Variants in SPA17 observed in about 807,000 individuals in gnomAD.
SPA17 encodes the protein sperm surface protein Sp17.
SPA17 carries 7 observed loss-of-function variants against 13.8 expected under a neutral mutation model. The ratio of observed to expected loss-of-function variants is 0.51; its 90% CI spans 0.29 to 0.95. The LOEUF (loss-of-function observed/expected upper bound fraction) is 0.95, where lower values mean the gene tolerates loss of function less well. SPA17 is among the 40% of genes least tolerant of loss of function. SPA17 has a pLI of 0.08. For synonymous variants in SPA17, 61 were observed against 59.0 expected (o/e 1.03, Z -0.16); for missense variants, 170 against 179.3 (o/e 0.95, Z 0.30).
At position 124,695,872 on chromosome 11, in the gene SPA17, A is replaced by T. The variant is rs1314377813; in HGVS notation, c.*1426A>T. On this transcript the variant is annotated 3_prime_UTR_variant, in exon 5 of 5. Coordinates refer to ENST00000227135, the MANE Select transcript of SPA17 (RefSeq NM_017425.4). The stretch of plus-strand genomic sequence containing the variant: ...CAAATACTCTCCTACAAACACTTTG[A>T]TCCTTGTCCTAGGCTTAGACATGCT... The T allele has an allele frequency of 2.0e-5, 3 of 152,328 alleles. No individual in the cohort carries two copies. The highest frequency in any genetic ancestry group is 4.4e-5 in the Non-Finnish European group (3 of 68,050). The allele number at this position is 152,328 out of a possible 1,614,324, so 9.4% of individuals were successfully genotyped here. A position where few individuals can be genotyped will look rare whatever the true frequency, so the allele number is the denominator to read the frequency against.
chr11:124,690,738 T>G (rs1387771265), intron 3 of SPA17, among the ~76,000 whole-genome samples: 4 of 152,236 alleles, frequency 2.6e-5, no homozygotes, highest in Non-Finnish European at 4.4e-5. Context: ...AGAACACTGC[T>G]CTAGACAACT....
In SPA17 at chr11:124,695,380, C is replaced by G. The variant is rs1476812644; in HGVS notation, c.*934C>G. 6.6e-6 allele frequency: 1 copy of G among 152,254 alleles called. No homozygotes were observed. The highest frequency in any genetic ancestry group is 1.5e-5 in the Non-Finnish European group (1 of 68,030). 9.4% of individuals were successfully genotyped at this position (152,254 alleles called of 1,614,324 possible). A position where few individuals can be genotyped will look rare whatever the true frequency, so the allele number is the denominator to read the frequency against. On this transcript the variant is annotated 3_prime_UTR_variant, in exon 5 of 5. Coordinates refer to ENST00000227135, the MANE Select transcript of SPA17 (RefSeq NM_017425.4). ...GCTGCCTTCTTCAGTTAAAACTTCCCAAGTTTTTAAATATACAATGGTAAT... is the reference window on the plus strand; with the variant it reads ...GCTGCCTTCTTCAGTTAAAACTTCCGAAGTTTTTAAATATACAATGGTAAT...
chr11:124,696,237 C>G lies in SPA17; in HGVS notation c.*1791C>G, dbSNP rs1236023759. On this transcript the variant is annotated 3_prime_UTR_variant, in exon 5 of 5. Coordinates refer to ENST00000227135, the MANE Select transcript of SPA17 (RefSeq NM_017425.4). Reference sequence around the variant, plus strand: ...ATTCCAGCTGTTCGTCCCTCCCATTCCACTGAAAGCACCAGCTTCTAACAC... The same window carrying G: ...ATTCCAGCTGTTCGTCCCTCCCATTGCACTGAAAGCACCAGCTTCTAACAC... 6.6e-6 allele frequency: 1 copy of G among 152,270 alleles called. No individual in the cohort carries two copies. The highest frequency in any genetic ancestry group is 1.5e-5 in the Non-Finnish European group (1 of 68,112). The allele number at this position is 152,270 out of a possible 1,614,324, so 9.4% of individuals were successfully genotyped here.
intron 3 of SPA17, among the ~76,000 whole-genome samples, chr11:124,685,310 C>T (rs902189609): frequency 2.6e-5 from 4 of 152,240 alleles, no homozygotes; most frequent in African/African-American, 9.6e-5. Flanking sequence ...GGTGCAAACC[C>T]CAAGCCTTGG....
intron 3 of SPA17, among the ~76,000 whole-genome samples, chr11:124,688,226 A>C (rs887935825): frequency 2.0e-5 from 3 of 152,334 alleles, no homozygotes; most frequent in African/African-American, 7.2e-5. Context: ...TTGTCCAGGC[A>C]GGTCTCAAAC....
chr11:124,691,649 G>A (rs1280644838), intron 3 of SPA17, 47 bp from the exon 4 acceptor site: 11 of 1,311,560 alleles, frequency 8.4e-6, no homozygotes, highest in Non-Finnish European at 1.1e-5. Flanking sequence ...ACAAGACTTT[G>A]CCATTTTGGA....
intron 3 of SPA17, among the ~76,000 whole-genome samples, chr11:124,686,069 G>A (rs769405066): frequency 7.9e-5 from 12 of 152,076 alleles, no homozygotes; most frequent in Non-Finnish European, 1.5e-4. Flanking sequence ...AGATTTGGGA[G>A]GGGCCAGGGG....
In SPA17 at chr11:124,690,727, G is replaced by T. The variant is rs141175312; in HGVS notation, c.226-969G>T. On this transcript the variant is annotated intron_variant, in intron 3 of 4. Transcript: ENST00000227135. The stretch of plus-strand genomic sequence containing the variant: ...ATAATTCGTAGGTACATTAAAATTT[G>T]AGAACACTGCTCTAGACAACTGAGG... Among the ~76,000 whole-genome samples the T allele has an allele frequency of 1.6e-4, 24 of 152,294 alleles. No homozygotes were observed. In the East Asian group the frequency reaches 4.0e-3, roughly 26 times the overall value.
At chr11:124,680,301 G>A (rs776717714) in intron 2 of SPA17, among the ~76,000 whole-genome samples, 8 of 151,938 alleles carry the variant, frequency 5.3e-5, no homozygotes, top group African/African-American at 1.4e-4. Flanking sequence ...AAATCAAACC[G>A]TCAAACCCGA....
chr11:124,675,398 G>T lies in SPA17; in HGVS notation c.134G>T (p.Ser45Ile). The T allele has an allele frequency of 6.2e-7, 1 of 1,611,518 alleles. No individual in the cohort carries two copies. Among genetic ancestry groups the T allele is most frequent in the Non-Finnish European group, 8.5e-7 (1 of 1,179,396 alleles). Residue 45 changes from serine (S) to isoleucine (I), a missense_variant, in exon 2 of 5, where the codon AGC (serine) becomes ATC (isoleucine). Coordinates refer to ENST00000227135, the MANE Select transcript of SPA17 (RefSeq NM_017425.4). ...GCTTTTGCAGCAGCCTATTTTGAGA[G>T]CCTTCTAGAGAAAAGAGAGAGTAAG... ...IPAFAAAYFE[S>I]LLEKREKTNF... is the part of the protein sequence containing the mutation.
At position 124,681,401 on chromosome 11, in the gene SPA17, A is replaced by G. The variant is rs752344280; in HGVS notation, c.167A>G (p.Asp56Gly). 6.4e-7 allele frequency: 1 copy of G among 1,573,696 alleles called. No individual in the cohort carries two copies. The highest frequency in any genetic ancestry group is 2.3e-5 in the East Asian group (1 of 42,934). ...LLEKREKTNFDPAEWGSKVED... is the reference protein window; with the variant it reads ...LLEKREKTNFGPAEWGSKVED... ...TTTTATTATTTAGAAACCAACTTTG[A>G]TCCAGCAGAATGGGGGAGTAAGGTA... The change falls in exon 3 of 5, where the codon GAT becomes GGT. Residue 56 changes from aspartate to glycine, a missense_variant. Transcript: ENST00000227135.
At chr11:124,679,068 C>T (rs1003178638) in intron 2 of SPA17, among the ~76,000 whole-genome samples, 3 of 149,784 alleles carry the variant, frequency 2.0e-5, no homozygotes, top group African/African-American at 4.9e-5. Context: ...ACCCAGGAGG[C>T]GGAAGTTGCA....
chr11:124,689,258 G>T (rs571615710), intron 3 of SPA17, among the ~76,000 whole-genome samples: 1 of 152,174 alleles, frequency 6.6e-6, no homozygotes, highest in African/African-American at 2.4e-5. Context: ...TCTAGGCAAA[G>T]AATGTATGAC....
In SPA17 at chr11:124,675,170, G is replaced by A. The variant is rs959992278; in HGVS notation, c.-27-68G>A. The A allele has an allele frequency of 4.2e-6, 6 of 1,426,374 alleles. No individual in the cohort carries two copies. In the Admixed American group the frequency reaches 1.2e-4, roughly 27 times the overall value. The allele number at this position is 1,426,374 out of a possible 1,614,324, so 88.4% of individuals were successfully genotyped here. A position where few individuals can be genotyped will look rare whatever the true frequency, so the allele number is the denominator to read the frequency against. On this transcript the variant is annotated intron_variant, in intron 1 of 4. Transcript: ENST00000227135. ...GTATGAGTCTCAGAAATAATTTGTT[G>A]GCATAGTTGTGATTATATAAGTAAA... is the stretch of plus-strand genomic sequence containing the variant.
chr11:124,680,259 A>G (rs895731768), intron 2 of SPA17, among the ~76,000 whole-genome samples: 2 of 152,222 alleles, frequency 1.3e-5, no homozygotes, highest in Admixed American at 1.3e-4. Context: ...AGAATTACAC[A>G]GCACTACCAA....
chr11:124,677,103 A>G (rs1158089889), intron 2 of SPA17, among the ~76,000 whole-genome samples: 1 of 152,232 alleles, frequency 6.6e-6, no homozygotes, highest in Non-Finnish European at 1.5e-5. Context: ...GATTCAGATT[A>G]GTGGTCTCAG....
intron 1 of SPA17, 191 bp from the exon 2 acceptor site, chr11:124,675,047 G>A: frequency 2.1e-6 from 1 of 472,178 alleles, no homozygotes; most frequent in Non-Finnish European, 3.6e-6. Flanking sequence ...ATGGGTCTGT[G>A]TTTGTATTAT....
intron 3 of SPA17, among the ~76,000 whole-genome samples, chr11:124,689,223 TA>T (rs1025479256): frequency 1.3e-5 from 2 of 152,026 alleles, no homozygotes; most frequent in African/African-American, 4.8e-5. Context: ...GAAGAAAACC[TA>T]GGAGAAACTT....
intron 1 of SPA17, 99 bp from the exon 2 acceptor site, chr11:124,675,139 C>T (rs972006218): frequency 7.4e-6 from 9 of 1,220,160 alleles, no homozygotes; most frequent in Admixed American, 5.0e-5. Context: ...GAATTCAAGT[C>T]CAGATGTATG....
Sources: allele counts gnomAD v4.1 joint callset (sites outside exome capture counted in the v4.1 genomes callset), GRCh38; gene constraint gnomAD v4.1.1; transcripts MANE v1.5; gene names NCBI Gene and HGNC (gene_info 2026-07-23, HGNC 2026-07-21).